The following TENM4 variants were observed in gnomAD, a reference collection of about 807,000 sequenced individuals.
The protein encoded by TENM4 is teneurin-4.
Under a neutral mutation model 243.3 loss-of-function variants are expected in TENM4, and 82 were observed. That is an observed-to-expected ratio of 0.34 (90% CI 0.28 to 0.40). The LOEUF is 0.40. Ranked by LOEUF, TENM4 falls within the 10% of genes least tolerant of loss-of-function variation. The probability of loss-of-function intolerance (pLI) is 1.00; values close to 1 mark genes in which losing one functional copy is unlikely to be tolerated. For synonymous variants in TENM4, 1,412 were observed against 1,456.3 expected, an observed-to-expected ratio of 0.97 and a Z score of 0.69; for missense variants, 3,138 against 3,673.3, an observed-to-expected ratio of 0.85 and a Z score of 3.77.
At chr11:78,753,468 C>A (rs1441370345) in intron 19 of TENM4, among the ~76,000 whole-genome samples, 5 of 152,222 alleles carry the variant, frequency 3.3e-5, no homozygotes, top group Non-Finnish European at 5.9e-5. Flanking sequence ...TTCACTTTAT[C>A]CCAGCTGTGC....
In TENM4 at chr11:78,863,009, C is replaced by T; in HGVS notation, c.1208G>A (p.Gly403Asp). Residue 403 changes from glycine to aspartate, a missense_variant, in exon 10 of 34, where the codon GGC becomes GAC. Physicochemically the swap from Gly to Asp is moderately conservative, Grantham distance 94. This residue lies in a region of TENM4 where 671 missense variants were observed against 614.1 expected (regional missense o/e 1.09). Transcript: ENST00000278550. ...PTDVSLYPSG[G>D]TGLETPDRKG... is the part of the protein sequence containing the mutation. Reference sequence around the variant, plus strand: ...CCTGTCAGGGGTCTCTAAGCCAGTGCCCCCTGAGGGGTATAGGGAGACGTC... The same window carrying T: ...CCTGTCAGGGGTCTCTAAGCCAGTGTCCCCTGAGGGGTATAGGGAGACGTC... The T allele has an allele frequency of 6.6e-7, 1 of 1,507,150 alleles. No individual in the cohort carries two copies. Among genetic ancestry groups the T allele is most frequent in the Non-Finnish European group, 9.0e-7 (1 of 1,113,764 alleles). 93.4% of individuals were successfully genotyped at this position (1,507,150 alleles called of 1,614,324 possible).
At chr11:78,913,583 A>G (rs113991677) in intron 6 of TENM4, among the ~76,000 whole-genome samples, 103 of 141,936 alleles carry the variant, frequency 7.3e-4, no homozygotes, top group African/African-American at 2.4e-3. Flanking sequence ...GGTAAGAGGT[A>G]TGTGTGTGTG....
At chr11:78,667,306 A>G (rs1389669300) in intron 32 of TENM4, among the ~76,000 whole-genome samples, 2 of 152,116 alleles carry the variant, frequency 1.3e-5, no homozygotes, top group Admixed American at 6.5e-5. Context: ...GACAACATGG[A>G]ACTCTTCTTG....
At chr11:79,318,888 A>G (rs1856844518) in intron 1 of TENM4, among the ~76,000 whole-genome samples, 1 of 152,266 alleles carries the variant, frequency 6.6e-6, no homozygotes, top group South Asian at 2.1e-4. Flanking sequence ...CATGTTTGGG[A>G]GAGGAAGTGG....
intron 6 of TENM4, among the ~76,000 whole-genome samples, chr11:78,925,296 T>C (rs1856529670): frequency 6.6e-6 from 1 of 151,556 alleles, no homozygotes; most frequent in African/African-American, 2.4e-5. Context: ...GCATTTTAGC[T>C]ATTTTTACTT....
intron 6 of TENM4, among the ~76,000 whole-genome samples, chr11:79,009,823 T>A (rs1211712877): frequency 6.6e-6 from 1 of 152,158 alleles, no homozygotes; most frequent in East Asian, 1.9e-4. Context: ...ATTCCAGTGA[T>A]ATGGTTTGGC....
At chr11:79,306,700 C>T (rs1341323428) in intron 1 of TENM4, among the ~76,000 whole-genome samples, 1 of 152,152 alleles carries the variant, frequency 6.6e-6, no homozygotes, top group Non-Finnish European at 1.5e-5. Context: ...CATTTTATAA[C>T]CATCCTCAGA....
chr11:78,810,410 T>C (rs148947146), intron 14 of TENM4, among the ~76,000 whole-genome samples: 4 of 152,318 alleles, frequency 2.6e-5, no homozygotes, highest in Non-Finnish European at 5.9e-5. Context: ...TGCCTTTTCC[T>C]GGCCCACACA....
At chr11:78,694,007 T>G (rs780095990) in intron 28 of TENM4, among the ~76,000 whole-genome samples, 5 of 152,020 alleles carry the variant, frequency 3.3e-5, no homozygotes, top group African/African-American at 4.8e-5. Context: ...AGAGTGAGAC[T>G]CCATCTCAAA....
Position 79,059,659 on chromosome 11 carries a change from G to A in TENM4, c.493+5079C>T, listed in dbSNP as rs368009570. On this transcript the variant is annotated intron_variant, in intron 6 of 33. Transcript: ENST00000278550. ...AATAGAGCTCAGTGGCATTAGTGTA[G>A]TCACATGGTTGTGCATCCATTACTC... 4.1e-4 allele frequency among the ~76,000 whole-genome samples: 62 copies of A among 152,266 alleles called. No individual in the cohort carries two copies. In the East Asian group the frequency reaches 7.3e-3, roughly 18 times the overall value.
At chr11:79,016,334 CTTG>C (rs1858774105) in intron 6 of TENM4, among the ~76,000 whole-genome samples, 2 of 151,980 alleles carry the variant, frequency 1.3e-5, no homozygotes, top group South Asian at 4.1e-4. Flanking sequence ...ACCAACAGGA[CTTG>C]TTGGTGATTT....
At chr11:79,132,607 C>A (rs772911740) in intron 4 of TENM4, among the ~76,000 whole-genome samples, 4 of 151,924 alleles carry the variant, frequency 2.6e-5, no homozygotes, top group Admixed American at 6.6e-5. Flanking sequence ...TAAAATGAGC[C>A]TCAATAAATT....
chr11:78,869,252 C>T (rs77414503), intron 9 of TENM4, among the ~76,000 whole-genome samples: 3 of 149,376 alleles, frequency 2.0e-5, no homozygotes, highest in East Asian at 3.9e-4. Flanking sequence ...AGATAAACAG[C>T]GATGCAGGAA....
intron 28 of TENM4, among the ~76,000 whole-genome samples, chr11:78,699,567 G>A (rs1365906092): frequency 1.3e-5 from 2 of 152,172 alleles, no homozygotes; most frequent in Admixed American, 1.3e-4. Flanking sequence ...TACCACTTCT[G>A]GTTTGTGTTA....
intron 4 of TENM4, among the ~76,000 whole-genome samples, chr11:79,106,224 G>C (rs7934777): frequency 6.6e-6 from 1 of 152,146 alleles, no homozygotes; most frequent in Non-Finnish European, 1.5e-5. Flanking sequence ...TCTAGCGCCA[G>C]AGCATAGCTA....
chr11:78,840,819 G>A (rs1290199811), intron 12 of TENM4, among the ~76,000 whole-genome samples: 3 of 152,188 alleles, frequency 2.0e-5, no homozygotes, highest in Non-Finnish European at 4.4e-5. Flanking sequence ...TGTGGATAGA[G>A]CATGATTCTT....
At chr11:79,060,078 G>C (rs1860047170) in intron 6 of TENM4, among the ~76,000 whole-genome samples, 1 of 152,222 alleles carries the variant, frequency 6.6e-6, no homozygotes, top group South Asian at 2.1e-4. Flanking sequence ...ACCCACAAAA[G>C]ACACTGTGTC....
At chr11:79,062,095 G>T (rs1860106679) in intron 6 of TENM4, among the ~76,000 whole-genome samples, 4 of 151,448 alleles carry the variant, frequency 2.6e-5, no homozygotes, top group Admixed American at 2.6e-4. Flanking sequence ...CTGAGTAGCT[G>T]GGATTACAAG....
At chr11:79,161,358 T>C (rs1862742784) in intron 3 of TENM4, among the ~76,000 whole-genome samples, 1 of 152,232 alleles carries the variant, frequency 6.6e-6, no homozygotes, top group Non-Finnish European at 1.5e-5. Flanking sequence ...GCCTTCAAAA[T>C]TCATGTCCAC....
Sources: allele counts gnomAD v4.1 joint callset (sites outside exome capture counted in the v4.1 genomes callset), GRCh38; gene constraint gnomAD v4.1.1; regional missense constraint gnomAD v4.1.1; transcripts MANE v1.5; gene names NCBI Gene and HGNC (gene_info 2026-07-23, HGNC 2026-07-21).